INSR: variants seen among roughly 807,000 people sequenced by gnomAD.
INSR encodes IR.
In INSR, 67 loss-of-function variants were observed where a neutral mutation model predicts 142.6. That is an observed-to-expected ratio of 0.47 (90% CI 0.39 to 0.58). The LOEUF (loss-of-function observed/expected upper bound fraction) is 0.58. Ranked by LOEUF, INSR falls within the 20% of genes least tolerant of loss-of-function variation. The pLI, the probability that INSR is intolerant of heterozygous loss-of-function variation, is 0.00. For missense variants in INSR, 1,248 were observed against 1,833.2 expected, an observed-to-expected ratio of 0.68 and a Z score of 5.83; for synonymous variants, 756 against 743.1, an observed-to-expected ratio of 1.02 and a Z score of -0.28.
At chr19:7,153,291 CCG>C (rs150960541) in intron 9 of INSR, among the ~76,000 whole-genome samples, 91 of 2,256 alleles carry the variant, frequency 0.04, no homozygotes, top group South Asian at 0.086. Flanking sequence ...ACACCACACA[CCG>C]CACACACACC....
intron 9 of INSR, among the ~76,000 whole-genome samples, chr19:7,158,388 C>T (rs1364365230): frequency 2.0e-5 from 3 of 152,126 alleles, no homozygotes. Flanking sequence ...GTAGTCCCAG[C>T]TACTCGGGAG....
intron 2 of INSR, among the ~76,000 whole-genome samples, chr19:7,213,543 A>G (rs1316896288): frequency 6.6e-6 from 1 of 152,130 alleles, no homozygotes; most frequent in African/African-American, 2.4e-5. Context: ...TTATGCAACA[A>G]AGGTTGCAAA....
rs1975063966 is a variant in INSR, at chr19:7,204,841, G to A, written c.653-20204C>T. Among the ~76,000 whole-genome samples, 3 of 152,368 alleles carry A rather than the reference G, an allele frequency of 2.0e-5. No individual in the cohort carries two copies. In the South Asian group the frequency reaches 6.2e-4, roughly 32 times the overall value. On this transcript the variant is annotated intron_variant, in intron 2 of 21. Coordinates refer to ENST00000302850, the MANE Select transcript of INSR (RefSeq NM_000208.4). ...CACGCCTGTAATCCCAGCACTTTGG[G>A]AGGCCGAGGCGGGCAGAGCACTTGA...
chr19:7,165,995 T>C lies in INSR; in HGVS notation c.1861+159A>G, dbSNP rs78301545. Among the ~76,000 whole-genome samples, 17,299 of 150,334 alleles carry C rather than the reference T, an allele frequency of 0.12. 1,134 individuals are homozygous for C. The highest frequency in any genetic ancestry group is 0.16 in the Non-Finnish European group (10,922 of 67,670). ...AGTGAGCCATGATCACCCCACTGCA[T>C]TGCACTCTAGCCTGGGTGACAAAGT... On this transcript the variant is annotated intron_variant, in intron 8 of 21. Transcript: ENST00000302850.
intron 13 of INSR, 99 bp downstream of exon 13, chr19:7,141,578 C>G: frequency 6.5e-7 from 1 of 1,547,380 alleles, no homozygotes; most frequent in East Asian, 2.3e-5. Flanking sequence ...GAGAGAAGCA[C>G]TGGAATCAAA....
intron 1 of INSR, among the ~76,000 whole-genome samples, chr19:7,293,576 G>C (rs1027781900): frequency 1.3e-5 from 2 of 152,130 alleles, no homozygotes; most frequent in Admixed American, 6.5e-5. Context: ...GGCTCAGGTC[G>C]GGCACGCAGG....
chr19:7,171,317 C>A (rs1301243646), intron 5 of INSR, among the ~76,000 whole-genome samples: 1 of 152,080 alleles, frequency 6.6e-6, no homozygotes, highest in Non-Finnish European at 1.5e-5. Context: ...GTTTAGACCA[C>A]CTTCTCAAGT....
rs62124511 is a variant in INSR at position 7,166,686 on chromosome 19, G to A, written c.1611-282C>T. Among the ~76,000 whole-genome samples, 23,908 of 152,038 alleles carry A rather than the reference G, an allele frequency of 0.16. 2,011 individuals are homozygous for A. The highest frequency in any genetic ancestry group is 0.25 in the South Asian group (1,222 of 4,810). ...TGTAATCCCAGCACTTTGGGAGGCC[G>A]AGAATGGCGGATCACCAGAAGTCAG... is the stretch of plus-strand genomic sequence containing the variant. On this transcript the variant is annotated intron_variant, in intron 7 of 21. Coordinates refer to ENST00000302850, the MANE Select transcript of INSR (RefSeq NM_000208.4). This position sits in a 1 kb window ranked among gnomAD's most constrained non-coding sequence, Gnocchi z 4.1.
In INSR at chr19:7,166,657, C is replaced by T. The variant is rs568893097; in HGVS notation, c.1611-253G>A. Among the ~76,000 whole-genome samples, 3 of 152,178 alleles carry T rather than the reference C, an allele frequency of 2.0e-5. No individual in the cohort carries two copies. The highest frequency in any genetic ancestry group is 2.1e-4 in the South Asian group (1 of 4,836). On this transcript the variant is annotated intron_variant, in intron 7 of 21. Coordinates refer to ENST00000302850, the MANE Select transcript of INSR (RefSeq NM_000208.4). The surrounding 1 kb of genome is among the most constrained non-coding windows in gnomAD (Gnocchi z 4.1). ...AGACTTGGCCAAGTGCAGTGGCTCA[C>T]GCCTGTAATCCCAGCACTTTGGGAG...
rs201784429 is a variant in INSR at position 7,161,215 on chromosome 19, A to G, written c.2029+1817T>C. ...TTTTTATACAATAAAATGATTGCAC[A>G]ACATTGTGAATGCACTTAATGCCTT... On this transcript the variant is annotated intron_variant, in intron 9 of 21. Coordinates refer to ENST00000302850, the MANE Select transcript of INSR (RefSeq NM_000208.4). Among the ~76,000 whole-genome samples the G allele has an allele frequency of 1.4e-3, 210 of 150,278 alleles. No homozygotes were observed. In the East Asian group the frequency reaches 0.024, roughly 17 times the overall value.
Position 7,184,483 on chromosome 19 carries a change from C to G in INSR, c.807G>C (p.Pro269=). The G allele has an allele frequency of 1.9e-6, 3 of 1,613,956 alleles. No homozygotes were observed. The highest frequency in any genetic ancestry group is 2.5e-6 in the Non-Finnish European group (3 of 1,180,002). ...YLDGRCVETC[P]PPYYHFQDWR... The stretch of plus-strand genomic sequence containing the variant: ...AGTCCTGGAAGTGGTAGTACGGGGG[C>G]GGGCAGGTCTCCACACACCTGCCGT... Residue 269 remains proline, a synonymous_variant, in exon 3 of 22, where the codon CCG becomes CCC. Transcript: ENST00000302850.
At position 7,267,336 on chromosome 19, in the gene INSR, C is replaced by G. The variant is rs773601174; in HGVS notation, c.652+9G>C. ...AGACACTGCTTAGAACCCTGTATCC[C>G]CGGCGTACCTTTCTGGCAGTGACTA... On this transcript the variant is annotated intron_variant, in intron 2 of 21. Transcript: ENST00000302850. The surrounding 1 kb of genome is among the most constrained non-coding windows in gnomAD (Gnocchi z 6.3). 3 of 1,613,732 alleles carry G rather than the reference C, an allele frequency of 1.9e-6. No individual in the cohort carries two copies. In the African/African-American group the frequency reaches 4.0e-5, roughly 22 times the overall value.
chr19:7,160,851 A>T (rs936425747), intron 9 of INSR, among the ~76,000 whole-genome samples: 4 of 151,784 alleles, frequency 2.6e-5, no homozygotes, highest in Non-Finnish European at 5.9e-5. Context: ...TACAAAAATT[A>T]GCCGGTGTAG....
At position 7,138,577 on chromosome 19, in the gene INSR, G is replaced by A. The variant is rs1972995819; in HGVS notation, c.2682+3100C>T. ...TTTTTTGCAGAGATGGGGTCTGGCTGTGTTGCCCAGGCTCAAACTCCTGGC... is the reference window on the plus strand; with the variant it reads ...TTTTTTGCAGAGATGGGGTCTGGCTATGTTGCCCAGGCTCAAACTCCTGGC... On this transcript the variant is annotated intron_variant, in intron 13 of 21. Transcript: ENST00000302850. Among the ~76,000 whole-genome samples, 6 of 151,938 alleles carry A rather than the reference G, an allele frequency of 3.9e-5. No individual in the cohort carries two copies. In the South Asian group the frequency reaches 1.2e-3, roughly 32 times the overall value.
intron 2 of INSR, among the ~76,000 whole-genome samples, chr19:7,232,994 T>C (rs1463591490): frequency 6.6e-6 from 1 of 151,964 alleles, no homozygotes; most frequent in Non-Finnish European, 1.5e-5. Flanking sequence ...TTGGTTTTGG[T>C]GTTGATTTTT....
chr19:7,246,320 T>C (rs1211105632), intron 2 of INSR, among the ~76,000 whole-genome samples: 1 of 152,158 alleles, frequency 6.6e-6, no homozygotes, highest in Non-Finnish European at 1.5e-5. Flanking sequence ...CTTGCCACTC[T>C]TGGAACGCTG....
chr19:7,174,741 G>C lies in INSR; in HGVS notation c.975-10C>G. ...TGGGGTGCACAGCAAGCTAAGGACG[G>C]AGCAGAGAGAGAGAGAAAGAGAAAG... is the stretch of plus-strand genomic sequence containing the variant. On this transcript the variant is annotated splice_polypyrimidine_tract_variant and intron_variant, in intron 3 of 21. Transcript: ENST00000302850. 2 of 1,611,326 alleles carry C rather than the reference G, an allele frequency of 1.2e-6. No individual in the cohort carries two copies. The highest frequency in any genetic ancestry group is 1.7e-6 in the Non-Finnish European group (2 of 1,178,624).
Position 7,115,891 on chromosome 19 carries a change from C to T in INSR, c.*1165G>A, listed in dbSNP as rs1199257413. The T allele has an allele frequency of 6.6e-6, 1 of 152,186 alleles. No homozygotes were observed. Among genetic ancestry groups the T allele is most frequent in the Non-Finnish European group, 1.5e-5 (1 of 68,044 alleles). The allele number at this position is 152,186 out of a possible 1,614,324, so 9.4% of individuals were successfully genotyped here. A position where few individuals can be genotyped will look rare whatever the true frequency, so the allele number is the denominator to read the frequency against. ...TGGCTTCATTCCCAGAAATGGATGC[C>T]TTTAAGACCAAACAAAGAGGCCACT... On this transcript the variant is annotated 3_prime_UTR_variant, in exon 22 of 22. Transcript: ENST00000302850.
chr19:7,203,058 C>CT (rs1276381941), intron 2 of INSR, among the ~76,000 whole-genome samples: 2 of 147,742 alleles, frequency 1.4e-5, no homozygotes, highest in East Asian at 4.0e-4. Flanking sequence ...TCCAAGAGCA[C>CT]TTTAAAATGT....
Sources: allele counts gnomAD v4.1 joint callset (sites outside exome capture counted in the v4.1 genomes callset), GRCh38; gene constraint gnomAD v4.1.1; non-coding constraint Gnocchi (gnomAD v3.1); transcripts MANE v1.5; gene names NCBI Gene and HGNC (gene_info 2026-07-23, HGNC 2026-07-21).